The following EFNA5 variants were observed in gnomAD, a reference collection of about 807,000 sequenced individuals.
The protein encoded by EFNA5 is ephrin-A5.
A neutral mutation model predicts 22.9 loss-of-function variants in EFNA5; 5 were observed. The ratio of observed to expected loss-of-function variants is 0.22; its 90% CI spans 0.11 to 0.46. The LOEUF is 0.46. EFNA5 is among the 20% of genes least tolerant of loss of function. EFNA5 has a pLI of 0.99. For missense variants in EFNA5, 237 were observed against 293.3 expected (o/e 0.81, Z 1.40); for synonymous variants, 113 against 112.2 (o/e 1.01, Z -0.04).
In EFNA5 at chr5:107,670,470, C is replaced by G; in HGVS notation, c.125+19G>C. ...CCGAGGCCCGGGTAGCCCTGGCTCT[C>G]CGCCTGTTATCGGCTTACCTGGGGT... On this transcript the variant is annotated intron_variant, in intron 1 of 4. Coordinates refer to ENST00000333274, the MANE Select transcript of EFNA5 (RefSeq NM_001962.3). 1.9e-6 allele frequency: 3 copies of G among 1,551,780 alleles called. No individual in the cohort carries two copies. The highest frequency in any genetic ancestry group is 2.6e-6 in the Non-Finnish European group (3 of 1,147,164).
chr5:107,427,171 G>A, intron 2 of EFNA5, 46 bp downstream of exon 2: 1 of 1,607,932 alleles, frequency 6.2e-7, no homozygotes, highest in Non-Finnish European at 8.5e-7. Context: ...AATTAGTCTG[G>A]GTTCTTGCAG....
chr5:107,571,344 T>C (rs1748799509), intron 1 of EFNA5, among the ~76,000 whole-genome samples: 1 of 152,096 alleles, frequency 6.6e-6, no homozygotes, highest in African/African-American at 2.4e-5. Flanking sequence ...AAGCACCACA[T>C]TGTGGTAACA....
Position 107,380,598 on chromosome 5 carries a change from C to A in EFNA5, c.*657G>T. 1 of 357,474 alleles carries A rather than the reference C, an allele frequency of 2.8e-6. No individual in the cohort carries two copies. Among genetic ancestry groups the A allele is most frequent in the East Asian group, 4.1e-5 (1 of 24,430 alleles). The allele number at this position is 357,474 out of a possible 1,614,324, so 22.1% of individuals were successfully genotyped here. ...CCTCCTAGAAAAAAAAAAAAGGCTTCTTTTAGAGAGCACAAGTTTTGCTGT... is the reference window on the plus strand; with the variant it reads ...CCTCCTAGAAAAAAAAAAAAGGCTTATTTTAGAGAGCACAAGTTTTGCTGT... On this transcript the variant is annotated 3_prime_UTR_variant, in exon 5 of 5. Transcript: ENST00000333274.
chr5:107,652,684 T>C (rs767430939), intron 1 of EFNA5, among the ~76,000 whole-genome samples: 9 of 152,314 alleles, frequency 5.9e-5, no homozygotes, highest in Admixed American at 1.3e-4. Flanking sequence ...AACAATTACT[T>C]TGTAGTCAAG....
chr5:107,401,290 A>T (rs1344649309), intron 2 of EFNA5, among the ~76,000 whole-genome samples: 1 of 152,176 alleles, frequency 6.6e-6, no homozygotes, highest in Non-Finnish European at 1.5e-5. Flanking sequence ...TTGAGGAAAA[A>T]ATCAATCTAT....
At chr5:107,457,887 T>A (rs1749734578) in intron 1 of EFNA5, among the ~76,000 whole-genome samples, 1 of 152,186 alleles carries the variant, frequency 6.6e-6, no homozygotes, top group Admixed American at 6.5e-5. Flanking sequence ...CATATGTTAA[T>A]TCGTTTGCTC....
chr5:107,524,105 T>TA (rs1189163166), intron 1 of EFNA5, among the ~76,000 whole-genome samples: 1 of 152,218 alleles, frequency 6.6e-6, no homozygotes, highest in Non-Finnish European at 1.5e-5. Flanking sequence ...ACCAAAATGA[T>TA]ACTATTTAAC....
intron 1 of EFNA5, among the ~76,000 whole-genome samples, chr5:107,446,974 T>C (rs892443736): frequency 1.3e-5 from 2 of 152,158 alleles, no homozygotes; most frequent in Non-Finnish European, 2.9e-5. Flanking sequence ...AAAGTGAATG[T>C]CAATCCTTAA....
At chr5:107,592,958 T>C (rs1250796270) in intron 1 of EFNA5, among the ~76,000 whole-genome samples, 1 of 152,168 alleles carries the variant, frequency 6.6e-6, no homozygotes. Context: ...GAGGAAGCAG[T>C]GATGAGGCAA....
chr5:107,469,601 G>A (rs1200677914), intron 1 of EFNA5, among the ~76,000 whole-genome samples: 1 of 151,818 alleles, frequency 6.6e-6, no homozygotes, highest in Non-Finnish European at 1.5e-5. Flanking sequence ...TCTTGTTAAT[G>A]TGTCTTTCAA....
intron 1 of EFNA5, among the ~76,000 whole-genome samples, chr5:107,521,471 T>C (rs750924226): frequency 3.3e-4 from 43 of 131,010 alleles, no homozygotes; most frequent in Non-Finnish European, 5.2e-4. Flanking sequence ...TATATATATA[T>C]ATATATTTTT....
chr5:107,415,352 T>C (rs1298977852), intron 2 of EFNA5, among the ~76,000 whole-genome samples: 2 of 152,202 alleles, frequency 1.3e-5, no homozygotes, highest in Non-Finnish European at 2.9e-5. Flanking sequence ...CTGTTACATA[T>C]ATTCAAAACT....
intron 1 of EFNA5, among the ~76,000 whole-genome samples, chr5:107,660,276 ATATATATATATATAT>A (rs1750920206): frequency 1.1e-4 from 6 of 56,482 alleles, no homozygotes; most frequent in African/African-American, 2.7e-4. Context: ...ATATATATAT[ATATATATATATATAT>A]ATATATATAT....
intron 1 of EFNA5, among the ~76,000 whole-genome samples, chr5:107,472,384 G>A (rs1412080500): frequency 1.3e-5 from 2 of 152,132 alleles, no homozygotes; most frequent in Admixed American, 1.3e-4. Context: ...AATGTTAATA[G>A]TATTAGTGAT....
chr5:107,398,881 C>T (rs950609551), intron 2 of EFNA5, among the ~76,000 whole-genome samples: 1 of 147,504 alleles, frequency 6.8e-6, no homozygotes, highest in Non-Finnish European at 1.5e-5. Context: ...AAAAAATCTT[C>T]TAGCTGCAAC....
intron 1 of EFNA5, among the ~76,000 whole-genome samples, chr5:107,584,253 C>A (rs933074959): frequency 6.6e-6 from 1 of 152,158 alleles, no homozygotes; most frequent in Admixed American, 6.5e-5. Context: ...TTGAGTTATT[C>A]TCTGAGGCAA....
At chr5:107,452,229 G>T (rs1229021508) in intron 1 of EFNA5, among the ~76,000 whole-genome samples, 1 of 151,996 alleles carries the variant, frequency 6.6e-6, no homozygotes, top group African/African-American at 2.4e-5. Context: ...TGGGGGTGAG[G>T]GGAGGGAACT....
At chr5:107,567,895 GTTTAT>G (rs1182687308) in intron 1 of EFNA5, among the ~76,000 whole-genome samples, 9 of 152,106 alleles carry the variant, frequency 5.9e-5, no homozygotes, top group African/African-American at 2.2e-4. Flanking sequence ...TGTTATTGTT[GTTTAT>G]TTTATTTTCT....
rs35218587 is a variant in EFNA5, at chr5:107,617,237, C to CAGAG, written c.125+53248_125+53251dup. On this transcript the variant is annotated intron_variant, in intron 1 of 4. Coordinates refer to ENST00000333274, the MANE Select transcript of EFNA5 (RefSeq NM_001962.3). The stretch of plus-strand genomic sequence containing the variant: ...ACACACACACACACACACACACACA[C>CAGAG]AGAGAGAGAGAGAGAGAGAGAAAGA... Among the ~76,000 whole-genome samples the CAGAG allele has an allele frequency of 2.1e-3, 300 of 144,546 alleles. 1 individual carries two copies. Among genetic ancestry groups the CAGAG allele is most frequent in the African/African-American group, 6.8e-3 (263 of 38,720 alleles). The allele number at this position is 144,546 out of a possible 152,430, so 94.8% of individuals were successfully genotyped here. A position where few individuals can be genotyped will look rare whatever the true frequency, so the allele number is the denominator to read the frequency against.
Sources: allele counts gnomAD v4.1 joint callset (sites outside exome capture counted in the v4.1 genomes callset), GRCh38; gene constraint gnomAD v4.1.1; transcripts MANE v1.5; gene names NCBI Gene and HGNC (gene_info 2026-07-23, HGNC 2026-07-21).